ADAMTS16: variants seen among roughly 807,000 people sequenced by gnomAD.
The protein encoded by ADAMTS16 is A disintegrin and metalloproteinase with thrombospondin motifs 16.
A neutral mutation model predicts 145.8 loss-of-function variants in ADAMTS16; 94 were observed. The observed-to-expected ratio is 0.64, with a 90% CI of 0.55 to 0.77. The LOEUF (loss-of-function observed/expected upper bound fraction) is 0.77, where lower values mean the gene tolerates loss of function less well. Among genes scored for constraint, ADAMTS16 ranks in the 30% least tolerant of loss-of-function variants. ADAMTS16 has a pLI of 0.00. For missense variants in ADAMTS16, 1,585 were observed against 1,591.5 expected, an observed-to-expected ratio of 1.00 and a Z score of 0.07; for synonymous variants, 659 against 604.3, an observed-to-expected ratio of 1.09 and a Z score of -1.33.
At chr5:5,207,923 T>C (rs1378757923) in intron 9 of ADAMTS16, among the ~76,000 whole-genome samples, 1 of 152,162 alleles carries the variant, frequency 6.6e-6, no homozygotes, top group Non-Finnish European at 1.5e-5. Flanking sequence ...TGGATCCAAT[T>C]TGCTAACATT....
At chr5:5,203,895 C>T (rs1303850395) in intron 9 of ADAMTS16, among the ~76,000 whole-genome samples, 1 of 152,172 alleles carries the variant, frequency 6.6e-6, no homozygotes, top group East Asian at 1.9e-4. Flanking sequence ...CCCCATACTA[C>T]TTCTGTTGAT....
At chr5:5,227,526 T>C (rs1736802314) in intron 11 of ADAMTS16, among the ~76,000 whole-genome samples, 1 of 149,948 alleles carries the variant, frequency 6.7e-6, no homozygotes, top group Admixed American at 6.6e-5. Context: ...TGTGTGTGTG[T>C]GTGTGTGTGT....
rs1174287996 is a variant in ADAMTS16, at chr5:5,215,868, G to GTGTGTA, written c.1605+6625_1605+6626insGTATGT. 8.2e-4 allele frequency among the ~76,000 whole-genome samples: 42 copies of GTGTGTA among 51,082 alleles called. 1 individual carries two copies. Among genetic ancestry groups the GTGTGTA allele is most frequent in the Admixed American group, 5.0e-3 (23 of 4,606 alleles). The allele number at this position is 51,082 out of a possible 152,430, so 33.5% of individuals were successfully genotyped here. On this transcript the variant is annotated intron_variant, in intron 10 of 22. Coordinates refer to ENST00000274181, the MANE Select transcript of ADAMTS16 (RefSeq NM_139056.4). The stretch of plus-strand genomic sequence containing the variant: ...ATATATATATATATGTGGTGTGTAT[G>GTGTGTA]TGTATATATATATATATATATATAT...
intron 6 of ADAMTS16, 126 bp downstream of exon 6, chr5:5,187,934 T>A: frequency 4.9e-6 from 3 of 614,392 alleles, no homozygotes; most frequent in Non-Finnish European, 8.2e-6. Context: ...TATTTAATAT[T>A]TTGTGTCTAC....
intron 3 of ADAMTS16, among the ~76,000 whole-genome samples, chr5:5,169,507 G>A (rs187658201): frequency 2.6e-5 from 4 of 152,302 alleles, no homozygotes; most frequent in Admixed American, 2.6e-4. Context: ...GTGGGCCTCA[G>A]CTGGCTTCTG....
intron 17 of ADAMTS16, among the ~76,000 whole-genome samples, chr5:5,254,121 A>G (rs751546807): frequency 1.3e-5 from 2 of 151,956 alleles, no homozygotes; most frequent in Admixed American, 6.6e-5. Context: ...TACCTCAAAG[A>G]CTTCTCTGGG....
At position 5,209,788 on chromosome 5, in the gene ADAMTS16, C is replaced by T. The variant is rs546568561; in HGVS notation, c.1605+542C>T. Among the ~76,000 whole-genome samples the T allele has an allele frequency of 2.0e-5, 3 of 152,212 alleles. No homozygotes were observed. The East Asian group carries it at 5.8e-4, about 29-fold the overall frequency. On this transcript the variant is annotated intron_variant, in intron 10 of 22. Transcript: ENST00000274181. ...TGCTCATGTAACACAGAGACATATG[C>T]TCTTGCTAGAAAGGGAAAATCGAGA...
At chr5:5,142,524 A>G (rs1734194761) in intron 2 of ADAMTS16, among the ~76,000 whole-genome samples, 2 of 152,224 alleles carry the variant, frequency 1.3e-5, no homozygotes, top group South Asian at 4.1e-4. Context: ...TTATGCCACC[A>G]GAGAAAAGAT....
At chr5:5,273,526 T>A (rs1335304898) in intron 18 of ADAMTS16, among the ~76,000 whole-genome samples, 1 of 152,144 alleles carries the variant, frequency 6.6e-6, no homozygotes, top group Admixed American at 6.5e-5. Context: ...AATAAATAAA[T>A]AAATGTATGA....
At chr5:5,153,768 T>C (rs1365549234) in intron 3 of ADAMTS16, among the ~76,000 whole-genome samples, 1 of 152,208 alleles carries the variant, frequency 6.6e-6, no homozygotes, top group Non-Finnish European at 1.5e-5. Context: ...TCGACTGCCA[T>C]TGGCATAAAA....
intron 3 of ADAMTS16, among the ~76,000 whole-genome samples, chr5:5,178,280 G>A (rs537704117): frequency 2.6e-5 from 4 of 152,338 alleles, no homozygotes; most frequent in South Asian, 2.1e-4. Flanking sequence ...CTGTGAGAGC[G>A]AAGCCTGTCC....
chr5:5,172,315 G>T (rs1026503992), intron 3 of ADAMTS16, among the ~76,000 whole-genome samples: 52 of 151,446 alleles, frequency 3.4e-4, no homozygotes, highest in Non-Finnish European at 1.8e-4. Context: ...TGCTTTTCTA[G>T]TTCTTTAAGA....
chr5:5,248,945 G>C (rs1404337871), intron 17 of ADAMTS16, among the ~76,000 whole-genome samples: 3 of 152,208 alleles, frequency 2.0e-5, no homozygotes, highest in African/African-American at 7.2e-5. Context: ...GGACGTATCT[G>C]TCTATCTGCT....
chr5:5,280,952 A>C (rs926071747), intron 18 of ADAMTS16, among the ~76,000 whole-genome samples: 3 of 152,258 alleles, frequency 2.0e-5, no homozygotes, highest in African/African-American at 4.8e-5. Flanking sequence ...GCTCTACCCT[A>C]TCTCTTCATG....
chr5:5,239,370 T>A, intron 15 of ADAMTS16, 96 bp downstream of exon 15: 1 of 1,469,218 alleles, frequency 6.8e-7, no homozygotes, highest in Non-Finnish European at 9.1e-7. Context: ...ACAGCAGGAC[T>A]TCCTTCCGCT....
intron 8 of ADAMTS16, among the ~76,000 whole-genome samples, chr5:5,193,498 C>G (rs923021927): frequency 2.6e-5 from 4 of 152,150 alleles, no homozygotes; most frequent in Admixed American, 2.6e-4. Flanking sequence ...TTTAATTAAA[C>G]AATCAAGGCA....
At chr5:5,316,810 C>T (rs941058019) in intron 21 of ADAMTS16, among the ~76,000 whole-genome samples, 2 of 152,256 alleles carry the variant, frequency 1.3e-5, no homozygotes, top group South Asian at 2.1e-4. Flanking sequence ...TTCTCCCCGT[C>T]GGACCACCAG....
At chr5:5,313,521 G>A (rs1380747123) in intron 21 of ADAMTS16, among the ~76,000 whole-genome samples, 1 of 152,196 alleles carries the variant, frequency 6.6e-6, no homozygotes, top group Non-Finnish European at 1.5e-5. Flanking sequence ...ATCACCTGTT[G>A]GAAACTGACC....
At chr5:5,250,826 A>G (rs1384278205) in intron 17 of ADAMTS16, among the ~76,000 whole-genome samples, 2 of 152,004 alleles carry the variant, frequency 1.3e-5, no homozygotes, top group Non-Finnish European at 2.9e-5. Context: ...TATGTCAGTC[A>G]ACAATATATA....
Sources: gnomAD v4.1 joint callset for allele counts (sites outside exome capture counted in the v4.1 genomes callset) on GRCh38, gnomAD v4.1.1 for gene constraint, MANE v1.5 for transcripts, NCBI Gene and HGNC (gene_info 2026-07-23, HGNC 2026-07-21) for gene names.